CSMD1: variants seen among roughly 807,000 people sequenced by gnomAD.
CSMD1 encodes CUB and sushi domain-containing protein 1.
A neutral mutation model predicts 417.5 loss-of-function variants in CSMD1; 213 were observed. The observed-to-expected ratio is 0.51, with a 90% CI of 0.46 to 0.57. CSMD1 has a LOEUF of 0.57. CSMD1 is among the 20% of genes least tolerant of loss of function. The pLI is 0.00. For synonymous variants in CSMD1, 2,862 were observed against 1,736.8 expected (o/e 1.65, Z -16.11); for missense variants, 6,923 against 4,529.7 (o/e 1.53, Z -15.17).
intron 1 of CSMD1, among the ~76,000 whole-genome samples, chr8:4,705,171 G>T (rs996710097): frequency 3.3e-5 from 5 of 152,058 alleles, no homozygotes; most frequent in African/African-American, 4.8e-5. Flanking sequence ...CACCATAATT[G>T]TAAGTTTCCT....
In CSMD1 at chr8:3,644,939, G is replaced by C. The variant is rs191356148; in HGVS notation, c.1010-28142C>G. ...GCCCACATTTTCCCTGGAAATTCCAGGGTTACGGATCACTAAGGCTTTAAA... is the reference window on the plus strand; with the variant it reads ...GCCCACATTTTCCCTGGAAATTCCACGGTTACGGATCACTAAGGCTTTAAA... On this transcript the variant is annotated intron_variant, in intron 7 of 69. Transcript: ENST00000635120. Among the ~76,000 whole-genome samples, 300 of 140,394 alleles carry C rather than the reference G, an allele frequency of 2.1e-3. 1 individual carries two copies. Among genetic ancestry groups the C allele is most frequent in the African/African-American group, 8.1e-3 (279 of 34,438 alleles). 92.1% of individuals were successfully genotyped at this position (140,394 alleles called of 152,430 possible).
chr8:3,890,364 G>A (rs1256831654), intron 5 of CSMD1, among the ~76,000 whole-genome samples: 1 of 152,086 alleles, frequency 6.6e-6, no homozygotes, highest in Non-Finnish European at 1.5e-5. Context: ...TTACTACTTG[G>A]TAGGTATTTT....
chr8:3,873,552 C>T (rs1283830132), intron 5 of CSMD1, among the ~76,000 whole-genome samples: 1 of 151,982 alleles, frequency 6.6e-6, no homozygotes, highest in Non-Finnish European at 1.5e-5. Flanking sequence ...AGACCTACTG[C>T]AGGGTGGACG....
At chr8:3,782,215 G>C (rs759126215) in intron 5 of CSMD1, among the ~76,000 whole-genome samples, 5 of 152,102 alleles carry the variant, frequency 3.3e-5, no homozygotes, top group Non-Finnish European at 5.9e-5. Flanking sequence ...TGCGGCATAG[G>C]ACAGAATCTA....
At chr8:3,608,320 A>C (rs1471610) in intron 8 of CSMD1, among the ~76,000 whole-genome samples, 1 of 151,984 alleles carries the variant, frequency 6.6e-6, no homozygotes, top group Non-Finnish European at 1.5e-5. Flanking sequence ...ATGGATAGAC[A>C]TGAAGGGGGC....
intron 51 of CSMD1, among the ~76,000 whole-genome samples, chr8:3,023,325 A>G (rs978448994): frequency 6.6e-6 from 1 of 152,232 alleles, no homozygotes; most frequent in Non-Finnish European, 1.5e-5. Context: ...AAAATTAAAA[A>G]TGCAAAAATT....
intron 4 of CSMD1, among the ~76,000 whole-genome samples, 184 bp downstream of exon 4, chr8:4,031,721 A>G (rs1477488809): frequency 6.6e-6 from 1 of 152,226 alleles, no homozygotes; most frequent in Non-Finnish European, 1.5e-5. Flanking sequence ...GTTATTACAC[A>G]TTACATGTTA....
intron 3 of CSMD1, among the ~76,000 whole-genome samples, chr8:4,283,960 T>TG (rs774939591): frequency 1.5e-4 from 23 of 152,292 alleles, no homozygotes; most frequent in Non-Finnish European, 2.6e-4. Flanking sequence ...TGGCCAGGGG[T>TG]GGTGGCTCAC....
chr8:3,536,982 A>C (rs573445568), intron 10 of CSMD1, among the ~76,000 whole-genome samples: 7 of 152,218 alleles, frequency 4.6e-5, no homozygotes, highest in African/African-American at 7.2e-5. Flanking sequence ...GTGCAACAAT[A>C]GGTCAAACTC....
chr8:3,480,905 C>T (rs1160497267), intron 11 of CSMD1, among the ~76,000 whole-genome samples: 4 of 151,630 alleles, frequency 2.6e-5, no homozygotes, highest in East Asian at 3.9e-4. Flanking sequence ...GCCTGTAATC[C>T]CAGCACTTTG....
At chr8:3,179,554 G>A (rs1201648269) in intron 37 of CSMD1, among the ~76,000 whole-genome samples, 3 of 152,116 alleles carry the variant, frequency 2.0e-5, no homozygotes, top group Non-Finnish European at 4.4e-5. Flanking sequence ...TGAAGCCCAG[G>A]TAAGTGCATA....
intron 10 of CSMD1, among the ~76,000 whole-genome samples, chr8:3,567,255 C>G (rs1173846639): frequency 1.3e-5 from 2 of 151,914 alleles, no homozygotes; most frequent in South Asian, 4.2e-4. Context: ...ACAATGGTCA[C>G]TAGGAACTAC....
At chr8:3,539,205 G>C (rs180755114) in intron 10 of CSMD1, among the ~76,000 whole-genome samples, 218 of 152,170 alleles carry the variant, frequency 1.4e-3, no homozygotes, top group African/African-American at 5.0e-3. Context: ...GGTCTGGAAG[G>C]ATGTTCGCAA....
chr8:4,459,630 G>A (rs984143411), intron 2 of CSMD1, among the ~76,000 whole-genome samples: 2 of 152,182 alleles, frequency 1.3e-5, no homozygotes, highest in South Asian at 2.1e-4. Context: ...TTGTGGGTTA[G>A]AACAAACCTC....
chr8:4,384,105 G>C (rs1228196478), intron 3 of CSMD1, among the ~76,000 whole-genome samples: 1 of 152,054 alleles, frequency 6.6e-6, no homozygotes, highest in Non-Finnish European at 1.5e-5. Flanking sequence ...CACACCTAAA[G>C]CATCAACACA....
rs150031959 is a variant in CSMD1 at position 3,258,691 on chromosome 8, T to G, written c.4153+25453A>C. On this transcript the variant is annotated intron_variant, in intron 26 of 69. Coordinates refer to ENST00000635120, the MANE Select transcript of CSMD1 (RefSeq NM_033225.6). The stretch of plus-strand genomic sequence containing the variant: ...CCACAGCAAAGCCATGGAAGCAACC[T>G]AAATGCCCATCAGTGATAGACTGGA... 1.2e-4 allele frequency among the ~76,000 whole-genome samples: 18 copies of G among 152,312 alleles called. 1 individual carries two copies. The East Asian group carries it at 3.5e-3, about 29-fold the overall frequency.
At chr8:3,697,411 C>G (rs1047875534) in intron 7 of CSMD1, among the ~76,000 whole-genome samples, 1 of 152,162 alleles carries the variant, frequency 6.6e-6, no homozygotes, top group Non-Finnish European at 1.5e-5. Flanking sequence ...ATATTTAACT[C>G]TTGGTCTCTT....
At chr8:3,310,538 A>G (rs1356911656) in intron 23 of CSMD1, among the ~76,000 whole-genome samples, 1 of 152,212 alleles carries the variant, frequency 6.6e-6, no homozygotes, top group Non-Finnish European at 1.5e-5. Flanking sequence ...TCTTGAATTT[A>G]CATTAGGTAT....
intron 7 of CSMD1, among the ~76,000 whole-genome samples, chr8:3,646,914 C>G (rs749948708): frequency 9.2e-5 from 14 of 152,194 alleles, no homozygotes; most frequent in Non-Finnish European, 1.9e-4. Context: ...TTAGGTAGGG[C>G]AGATACAAAA....
Sources: gnomAD v4.1 joint callset for allele counts (sites outside exome capture counted in the v4.1 genomes callset) on GRCh38, gnomAD v4.1.1 for gene constraint, MANE v1.5 for transcripts, NCBI Gene and HGNC (gene_info 2026-07-23, HGNC 2026-07-21) for gene names.